The following STAC3 variants were observed in gnomAD, a reference collection of about 807,000 sequenced individuals.
STAC3 encodes the protein SH3 and cysteine rich domain 3, also known as SH3 and cysteine-rich domain-containing protein 3.
A neutral mutation model predicts 48.5 loss-of-function variants in STAC3; 30 were observed. The ratio of observed to expected loss-of-function variants is 0.62; its 90% CI spans 0.46 to 0.84. STAC3 has a LOEUF of 0.84. STAC3 is among the 40% of genes least tolerant of loss of function. STAC3 has a pLI of 0.00. For missense variants in STAC3, 419 were observed against 462.6 expected (o/e 0.91, Z 0.86); for synonymous variants, 144 against 158.6 (o/e 0.91, Z 0.69).
At chr12:57,250,949 G>A in intron 1 of STAC3, 44 bp downstream of exon 1, 1 of 287,056 alleles carries the variant, frequency 3.5e-6, no homozygotes, top group African/African-American at 2.2e-5. Context: ...AGGGCAGCTG[G>A]GGTGAGCAGT....
At chr12:57,249,367 AG>A (rs968930708) in intron 2 of STAC3, 59 bp from the exon 3 acceptor site, 3 of 1,529,342 alleles carry the variant, frequency 2.0e-6, no homozygotes, top group South Asian at 1.3e-5. Context: ...TCTCTAGAGT[AG>A]GGGGGCGCTA....
chr12:57,248,392 T>A lies in STAC3; in HGVS notation c.433-194A>T, dbSNP rs2037811878. On this transcript the variant is annotated intron_variant, in intron 4 of 11. Transcript: ENST00000332782. ...CATGTCCCCTCTTTTTTTTTTTTTT[T>A]TTTTGAGACGGAGTCTCGCTCTGTC... 1.2e-5 allele frequency: 7 copies of A among 591,262 alleles called. No individual in the cohort carries two copies. In the East Asian group the frequency reaches 2.0e-4, roughly 17 times the overall value. 36.6% of individuals were successfully genotyped at this position (591,262 alleles called of 1,614,324 possible). A position where few individuals can be genotyped will look rare whatever the true frequency, so the allele number is the denominator to read the frequency against.
At chr12:57,245,027 C>T in intron 7 of STAC3, 62 bp from the exon 8 acceptor site, 2 of 1,609,976 alleles carry the variant, frequency 1.2e-6, no homozygotes, top group Non-Finnish European at 8.5e-7. Flanking sequence ...TTCTCTTACC[C>T]TTTTGTGGAA....
At chr12:57,248,284 A>C in intron 4 of STAC3, 86 bp from the exon 5 acceptor site, 10 of 1,085,988 alleles carry the variant, frequency 9.2e-6, no homozygotes, top group Non-Finnish European at 1.3e-5. Flanking sequence ...ACCCTTTCTC[A>C]GAAAAAGAGA....
Position 57,249,903 on chromosome 12 carries a change from A to G in STAC3, c.-1-266T>C, listed in dbSNP as rs7976512. On this transcript the variant is annotated intron_variant, in intron 1 of 11. Coordinates refer to ENST00000332782, the MANE Select transcript of STAC3 (RefSeq NM_145064.3). ...CCTGAGTAGCTGGAACACAAGGTGCACACTACCTGGCTACTTTTTTATTTT... is the reference window on the plus strand; with the variant it reads ...CCTGAGTAGCTGGAACACAAGGTGCGCACTACCTGGCTACTTTTTTATTTT... Among the ~76,000 whole-genome samples, 38,910 of 151,914 alleles carry G rather than the reference A, an allele frequency of 0.26. 5,419 individuals carry two copies. Among genetic ancestry groups the G allele is most frequent in the South Asian group, 0.44 (2,106 of 4,814 alleles).
In STAC3 at chr12:57,249,536, C is replaced by CG. The variant is rs775729349; in HGVS notation, c.66+34_66+35insC. ...TTCTTCAGCTGTAATGGCTTCCCAG[C>CG]CCCCCACACCCAGTGGTCAGAGGCC... On this transcript the variant is annotated intron_variant, in intron 2 of 11. Coordinates refer to ENST00000332782, the MANE Select transcript of STAC3 (RefSeq NM_145064.3). 6.9e-5 allele frequency: 105 copies of CG among 1,526,526 alleles called. No homozygotes were observed. In the East Asian group the frequency reaches 1.3e-3, roughly 19 times the overall value. 94.6% of individuals were successfully genotyped at this position (1,526,526 alleles called of 1,614,324 possible).
At chr12:57,245,816 AGTG>A (rs2037725903) in intron 6 of STAC3, among the ~76,000 whole-genome samples, 1 of 151,786 alleles carries the variant, frequency 6.6e-6, no homozygotes, top group Non-Finnish European at 1.5e-5. Context: ...GTAAGTAAAA[AGTG>A]AGCAGCATGG....
In STAC3 at chr12:57,251,177, G is replaced by C. The variant is rs1337368400; in HGVS notation, c.-186C>G. The C allele has an allele frequency of 2.2e-6, 1 of 455,640 alleles. No individual in the cohort carries two copies. Among genetic ancestry groups the C allele is most frequent in the Admixed American group, 2.4e-5 (1 of 42,548 alleles). 28.2% of individuals were successfully genotyped at this position (455,640 alleles called of 1,614,324 possible). ...CTCCTAGCCTCCTGCCTTGGTGTCA[G>C]GGCTGAAATGACAGGGCTGGAGGAA... On this transcript the variant is annotated 5_prime_UTR_variant, in exon 1 of 12. Transcript: ENST00000332782.
rs746716243 is a variant in STAC3 at position 57,244,222 on chromosome 12, TC to T, written c.861del (p.Ile289SerfsTer25). ...AAAAATCCGACCTTCTCCCCGATTT[TC>T]CCCTAGGGAAGATAGTAGGGAGAGT... is the stretch of plus-strand genomic sequence containing the variant. ...IDDSNEEWWRGKIGEKVGFFP... is the reference protein window; with the variant it reads ...IDDSNEEWWRXKIGEKVGFFP... On this transcript the variant is annotated frameshift_variant and splice_region_variant, in exon 11 of 12. Transcript: ENST00000332782. LOFTEE classifies it high-confidence loss of function. 2.3e-5 allele frequency: 37 copies of T among 1,614,122 alleles called. No individual in the cohort carries two copies. Among genetic ancestry groups the T allele is most frequent in the Non-Finnish European group, 3.1e-5 (36 of 1,180,030 alleles).
At position 57,244,207 on chromosome 12, in the gene STAC3, C is replaced by A. The variant is rs778683600; in HGVS notation, c.877G>T (p.Val293Phe). The change falls in exon 11 of 12, where the codon GTC (valine) becomes TTC (phenylalanine). Residue 293 changes from valine to phenylalanine, a missense_variant. Val to Phe is a conservative substitution (Grantham distance 50). Coordinates refer to ENST00000332782, the MANE Select transcript of STAC3 (RefSeq NM_145064.3). ...EWWRGKIGEK[V>F]GFFPPNFIIR... is the part of the protein sequence containing the mutation. ...ATGAAGTTTGGAGGGAAAAATCCGACCTTCTCCCCGATTTTCCCCTAGGGA... is the reference window on the plus strand; with the variant it reads ...ATGAAGTTTGGAGGGAAAAATCCGAACTTCTCCCCGATTTTCCCCTAGGGA... The A allele has an allele frequency of 6.2e-7, 1 of 1,614,190 alleles. No homozygotes were observed. Among genetic ancestry groups the A allele is most frequent in the Non-Finnish European group, 8.5e-7 (1 of 1,180,042 alleles).
intron 3 of STAC3, 53 bp downstream of exon 3, chr12:57,248,988 C>A: frequency 6.4e-7 from 1 of 1,562,442 alleles, no homozygotes; most frequent in Non-Finnish European, 8.7e-7. Flanking sequence ...ATGCCCTCTC[C>A]CCAAACCTCT....
intron 5 of STAC3, 99 bp downstream of exon 5, chr12:57,248,027 A>G: frequency 2.8e-6 from 3 of 1,089,866 alleles, no homozygotes. Flanking sequence ...TATGGGAAAC[A>G]GAAAGTTTCT....
intron 1 of STAC3, among the ~76,000 whole-genome samples, chr12:57,250,776 G>C (rs193231445): frequency 1.3e-5 from 2 of 151,982 alleles, no homozygotes; most frequent in Non-Finnish European, 2.9e-5. Context: ...AGGGTAATAT[G>C]AGCCTTTCCT....
chr12:57,250,092 G>GA (rs774520723), intron 1 of STAC3, among the ~76,000 whole-genome samples: 1 of 152,070 alleles, frequency 6.6e-6, no homozygotes, highest in Non-Finnish European at 1.5e-5. Context: ...TGGAGGTCTA[G>GA]AAAAAAGCTT....
chr12:57,246,818 C>T lies in STAC3; in HGVS notation c.589G>A (p.Ala197Thr). Residue 197 changes from alanine to threonine, a missense_variant, in exon 6 of 12, where the codon GCA (alanine) becomes ACA (threonine). Transcript: ENST00000332782. ...ACAGTGCTCACATTTTTCTTATCTGCCTGTCCCTTCTTCCGTTCCTTGTTT... is the reference window on the plus strand; with the variant it reads ...ACAGTGCTCACATTTTTCTTATCTGTCTGTCCCTTCTTCCGTTCCTTGTTT... Reference protein sequence around the residue: ...MANKERKKGQADKKNPVAAMM... With the variant: ...MANKERKKGQTDKKNPVAAMM... 6.2e-7 allele frequency: 1 copy of T among 1,613,928 alleles called. No individual in the cohort carries two copies. Among genetic ancestry groups the T allele is most frequent in the Non-Finnish European group, 8.5e-7 (1 of 1,179,838 alleles).
At chr12:57,250,141 G>A (rs950431048) in intron 1 of STAC3, among the ~76,000 whole-genome samples, 1 of 151,890 alleles carries the variant, frequency 6.6e-6, no homozygotes, top group Non-Finnish European at 1.5e-5. Flanking sequence ...TGTAATCCCA[G>A]CACTTTGGGA....
At chr12:57,248,431 T>A (rs1199265643) in intron 4 of STAC3, 1 of 562,470 alleles carries the variant, frequency 1.8e-6, no homozygotes, top group Admixed American at 3.1e-5. Context: ...CAGGCTGGAG[T>A]GCAGTGGCAC....
intron 5 of STAC3, among the ~76,000 whole-genome samples, chr12:57,247,309 C>G (rs1160984044): frequency 6.6e-6 from 1 of 151,856 alleles, no homozygotes; most frequent in Non-Finnish European, 1.5e-5. Flanking sequence ...CCAATAGGTT[C>G]TTCTTTTTCA....
At chr12:57,246,645 C>A (rs1483094788) in intron 6 of STAC3, among the ~76,000 whole-genome samples, 159 bp downstream of exon 6, 1 of 152,166 alleles carries the variant, frequency 6.6e-6, no homozygotes, top group African/African-American at 2.4e-5. Context: ...CTCGGCCTCC[C>A]AAAGTGCTGG....
Sources: gnomAD v4.1 joint callset for allele counts (sites outside exome capture counted in the v4.1 genomes callset) on GRCh38, gnomAD v4.1.1 for gene constraint, MANE v1.5 for transcripts, NCBI Gene and HGNC (gene_info 2026-07-23, HGNC 2026-07-21) for gene names.